The following ST6GALNAC3 variants were observed in gnomAD, a reference collection of about 807,000 sequenced individuals.
ST6GALNAC3 encodes the protein ST6 N-acetylgalactosaminide alpha-2,6-sialyltransferase 3.
ST6GALNAC3 carries 25 observed loss-of-function variants against 32.7 expected under a neutral mutation model. The observed-to-expected ratio is 0.76, with a 90% CI of 0.56 to 1.07. The LOEUF is 1.07. Among genes scored for constraint, ST6GALNAC3 ranks in the 50% least tolerant of loss-of-function variants. The pLI, the probability that ST6GALNAC3 is intolerant of heterozygous loss-of-function variation, is 0.00. For synonymous variants in ST6GALNAC3, 129 were observed against 133.1 expected (o/e 0.97, Z 0.21); for missense variants, 355 against 382.4 (o/e 0.93, Z 0.60).
At chr1:76,328,623 T>A (rs998827155) in intron 2 of ST6GALNAC3, among the ~76,000 whole-genome samples, 4 of 152,214 alleles carry the variant, frequency 2.6e-5, no homozygotes, top group Admixed American at 2.6e-4. Context: ...GCTCTTGAAA[T>A]AATATGAGCT....
intron 1 of ST6GALNAC3, among the ~76,000 whole-genome samples, chr1:76,107,910 C>T (rs964964390): frequency 3.3e-5 from 5 of 152,140 alleles, no homozygotes; most frequent in Non-Finnish European, 5.9e-5. Flanking sequence ...GGCATTTTGT[C>T]GGTAGACATT....
intron 1 of ST6GALNAC3, among the ~76,000 whole-genome samples, chr1:76,122,909 C>T (rs1257549046): frequency 6.6e-6 from 1 of 152,166 alleles, no homozygotes; most frequent in Non-Finnish European, 1.5e-5. Context: ...TCTGGAGGAG[C>T]TTGTAGTCTG....
At chr1:76,496,474 T>G (rs1314601667) in intron 3 of ST6GALNAC3, among the ~76,000 whole-genome samples, 1 of 152,158 alleles carries the variant, frequency 6.6e-6, no homozygotes, top group Non-Finnish European at 1.5e-5. Context: ...AGTTTGGAGC[T>G]CCATACAGAA....
At chr1:76,297,567 G>T (rs149356737) in intron 1 of ST6GALNAC3, among the ~76,000 whole-genome samples, 2 of 151,908 alleles carry the variant, frequency 1.3e-5, no homozygotes, top group Non-Finnish European at 2.9e-5. Context: ...TTTTAGGTGC[G>T]CCTGGTTTGA....
Position 76,630,359 on chromosome 1 carries a change from A to T in ST6GALNAC3, c.*1553A>T. 1 of 985,236 alleles carries T rather than the reference A, an allele frequency of 1.0e-6. No homozygotes were observed. The highest frequency in any genetic ancestry group is 1.2e-6 in the Non-Finnish European group (1 of 829,820). 61.0% of individuals were successfully genotyped at this position (985,236 alleles called of 1,614,324 possible). On this transcript the variant is annotated 3_prime_UTR_variant, in exon 5 of 5. Coordinates refer to ENST00000328299, the MANE Select transcript of ST6GALNAC3 (RefSeq NM_152996.4). ...ACGTGTGGTTCTATTTAGGTGGGGA[A>T]AAAATGAAAAAGCAGGGACAACAGG...
rs117709567 is a variant in ST6GALNAC3, at chr1:76,329,585, A to G, written c.213+15586A>G. Among the ~76,000 whole-genome samples, 10 of 152,208 alleles carry G rather than the reference A, an allele frequency of 6.6e-5. No individual in the cohort carries two copies. In the East Asian group the frequency reaches 1.9e-3, roughly 29 times the overall value. On this transcript the variant is annotated intron_variant, in intron 2 of 4. Coordinates refer to ENST00000328299, the MANE Select transcript of ST6GALNAC3 (RefSeq NM_152996.4). ...ACCGATTCCTTAAAATCCCATCCAA[A>G]GGCCATTTCCTCTGTGGTGGTTTGC... is the stretch of plus-strand genomic sequence containing the variant.
intron 3 of ST6GALNAC3, among the ~76,000 whole-genome samples, chr1:76,555,779 AT>A (rs759894067): frequency 2.6e-5 from 4 of 152,146 alleles, no homozygotes; most frequent in Non-Finnish European, 5.9e-5. Flanking sequence ...TTACAGTAGA[AT>A]TCCCAGGGTT....
intron 3 of ST6GALNAC3, among the ~76,000 whole-genome samples, chr1:76,445,334 CA>C (rs1656897428): frequency 6.6e-6 from 1 of 152,138 alleles, no homozygotes; most frequent in African/African-American, 2.4e-5. Context: ...GGTCTCACCC[CA>C]AATCTGCTAA....
intron 3 of ST6GALNAC3, among the ~76,000 whole-genome samples, chr1:76,517,580 A>G (rs1235904946): frequency 6.6e-6 from 1 of 151,586 alleles, no homozygotes; most frequent in African/African-American, 2.4e-5. Flanking sequence ...TGCTGTGTTT[A>G]TTTTCCACCC....
intron 3 of ST6GALNAC3, among the ~76,000 whole-genome samples, chr1:76,619,556 A>T (rs1648505458): frequency 6.6e-6 from 1 of 152,202 alleles, no homozygotes; most frequent in East Asian, 1.9e-4. Flanking sequence ...GGAGAAAAAC[A>T]TAATTCTGTC....
At chr1:76,304,920 C>A (rs1276739776) in intron 1 of ST6GALNAC3, among the ~76,000 whole-genome samples, 1 of 151,970 alleles carries the variant, frequency 6.6e-6, no homozygotes, top group Non-Finnish European at 1.5e-5. Flanking sequence ...GAAAAGATGA[C>A]AAGCAGAGGT....
chr1:76,463,554 A>G (rs1658425072), intron 3 of ST6GALNAC3, among the ~76,000 whole-genome samples: 1 of 152,194 alleles, frequency 6.6e-6, no homozygotes, highest in African/African-American at 2.4e-5. Context: ...ATACCAAGCA[A>G]TACTGCATTT....
At chr1:76,258,553 A>G (rs1658049224) in intron 1 of ST6GALNAC3, among the ~76,000 whole-genome samples, 1 of 152,166 alleles carries the variant, frequency 6.6e-6, no homozygotes. Flanking sequence ...GGATGAAGCA[A>G]TATTGGAGGA....
At chr1:76,095,847 G>A (rs289678) in intron 1 of ST6GALNAC3, among the ~76,000 whole-genome samples, 41,256 of 152,024 alleles carry the variant, frequency 0.27, 6,886 homozygotes, top group African/African-American at 0.47. Context: ...TCTCCCCTCA[G>A]GGCTGAATGA....
intron 3 of ST6GALNAC3, among the ~76,000 whole-genome samples, chr1:76,585,840 A>G (rs1262768755): frequency 6.6e-6 from 1 of 152,176 alleles, no homozygotes; most frequent in African/African-American, 2.4e-5. Flanking sequence ...GCTTAAAAGA[A>G]TAGCTTTAGA....
At chr1:76,590,908 A>G (rs960683460) in intron 3 of ST6GALNAC3, among the ~76,000 whole-genome samples, 10 of 152,242 alleles carry the variant, frequency 6.6e-5, no homozygotes, top group African/African-American at 9.6e-5. Context: ...TTATTATTCA[A>G]TAAATATGCA....
intron 1 of ST6GALNAC3, among the ~76,000 whole-genome samples, chr1:76,099,262 T>C (rs758185765): frequency 6.6e-5 from 10 of 152,178 alleles, no homozygotes; most frequent in Non-Finnish European, 7.4e-5. Context: ...CCTTTGAGTT[T>C]TAGAATTAGC....
intron 1 of ST6GALNAC3, among the ~76,000 whole-genome samples, chr1:76,157,849 T>C (rs1322014805): frequency 1.3e-5 from 2 of 152,182 alleles, no homozygotes; most frequent in Non-Finnish European, 2.9e-5. Flanking sequence ...TATCTACAGT[T>C]TTGCCTTTTC....
Position 76,140,394 on chromosome 1 carries a change from T to C in ST6GALNAC3, c.18+65510T>C, listed in dbSNP as rs554987438. Among the ~76,000 whole-genome samples, 25 of 152,300 alleles carry C rather than the reference T, an allele frequency of 1.6e-4. 1 individual carries two copies. The East Asian group carries it at 4.4e-3, about 27-fold the overall frequency. Reference sequence around the variant, plus strand: ...GCAGGAAAATGTGTGACTCCAAAGCTACCTGGAGCCTGATGGGGGTTAGGT... The same window carrying C: ...GCAGGAAAATGTGTGACTCCAAAGCCACCTGGAGCCTGATGGGGGTTAGGT... On this transcript the variant is annotated intron_variant, in intron 1 of 4. Coordinates refer to ENST00000328299, the MANE Select transcript of ST6GALNAC3 (RefSeq NM_152996.4).
Sources: gnomAD v4.1 joint callset for allele counts (sites outside exome capture counted in the v4.1 genomes callset) on GRCh38, gnomAD v4.1.1 for gene constraint, MANE v1.5 for transcripts, NCBI Gene and HGNC (gene_info 2026-07-23, HGNC 2026-07-21) for gene names.